The following HDX variants were observed in gnomAD, a reference collection of about 807,000 sequenced individuals.
The protein encoded by HDX is chromosome X open reading frame 43.
HDX carries 19 observed loss-of-function variants against 45.2 expected under a neutral mutation model. The observed-to-expected ratio is 0.42, with a 90% CI of 0.29 to 0.62. HDX has a LOEUF of 0.62. Among genes scored for constraint, HDX ranks in the 20% least tolerant of loss-of-function variants. HDX has a pLI of 0.20. For missense variants in HDX, 532 were observed against 493.9 expected (o/e 1.08, Z -0.73); for synonymous variants, 188 against 172.8 (o/e 1.09, Z -0.69).
At chrX:84,414,495 A>G (rs982676155) in intron 5 of HDX, among the ~76,000 whole-genome samples, 2 of 111,637 alleles carry the variant, frequency 1.8e-5, no homozygotes, top group Non-Finnish European at 3.8e-5. Context: ...ATATTTCCAG[A>G]GCTAACTAAA....
At chrX:84,450,778 C>G (rs991327158) in intron 4 of HDX, among the ~76,000 whole-genome samples, 2 of 112,248 alleles carry the variant, frequency 1.8e-5, no homozygotes, top group Admixed American at 9.4e-5. Flanking sequence ...TTCTCCAGTA[C>G]AGACCACGTG....
rs753255985 is a variant in HDX at position 84,472,228 on chromosome X, G to C, written c.148-2653C>G. Among the ~76,000 whole-genome samples the C allele has an allele frequency of 3.6e-5, 4 of 110,949 alleles. No homozygotes were observed. In the East Asian group the frequency reaches 8.4e-4, roughly 23 times the overall value. Reference sequence around the variant, plus strand: ...TATGGCTTACTTATAAAGTTTTATAGTTTATACATACATATGCATATTATA... The same window carrying C: ...TATGGCTTACTTATAAAGTTTTATACTTTATACATACATATGCATATTATA... On this transcript the variant is annotated intron_variant, in intron 3 of 10. Coordinates refer to ENST00000373177, the MANE Select transcript of HDX (RefSeq NM_001177479.2).
At chrX:84,370,366 G>T (rs1200326732) in intron 5 of HDX, among the ~76,000 whole-genome samples, 2 of 111,739 alleles carry the variant, frequency 1.8e-5, no homozygotes, top group African/African-American at 6.5e-5. Flanking sequence ...CACAATAGTG[G>T]GAGACAATTC....
intron 9 of HDX, among the ~76,000 whole-genome samples, chrX:84,329,785 C>T (rs756851095): frequency 8.9e-6 from 1 of 111,740 alleles, no homozygotes; most frequent in Non-Finnish European, 1.9e-5. Flanking sequence ...GACCATCATT[C>T]CCTTATTTCC....
At chrX:84,361,179 G>A (rs991064500) in intron 6 of HDX, among the ~76,000 whole-genome samples, 2 of 111,165 alleles carry the variant, frequency 1.8e-5, no homozygotes, top group Non-Finnish European at 3.8e-5. Flanking sequence ...CATAATTTCA[G>A]GTAAATATTG....
chrX:84,493,847 TA>T (rs2040945192), intron 1 of HDX, among the ~76,000 whole-genome samples: 1 of 111,043 alleles, frequency 9.0e-6, no homozygotes, highest in African/African-American at 3.3e-5. Flanking sequence ...TTAAAATAAC[TA>T]AAAAAGTATA....
chrX:84,348,708 G>A (rs2037262093), intron 6 of HDX, among the ~76,000 whole-genome samples: 1 of 111,029 alleles, frequency 9.0e-6, no homozygotes, highest in Non-Finnish European at 1.9e-5. Context: ...CTTTGCCGTG[G>A]CCTGTGAACT....
At chrX:84,333,644 A>T (rs918114325) in intron 9 of HDX, 115 bp downstream of exon 9, 82 of 393,789 alleles carry the variant, frequency 2.1e-4, no homozygotes, top group Non-Finnish European at 5.4e-5. Context: ...GCCAGAAAGA[A>T]TTAATGCAGA....
intron 4 of HDX, among the ~76,000 whole-genome samples, chrX:84,447,593 C>A (rs756171673): frequency 3.6e-4 from 40 of 110,896 alleles, no homozygotes; most frequent in Non-Finnish European, 6.6e-4. Flanking sequence ...AGGTCCCCCC[C>A]ACACACCAAG....
At chrX:84,474,186 G>T (rs1256702853) in intron 3 of HDX, among the ~76,000 whole-genome samples, 1 of 111,733 alleles carries the variant, frequency 8.9e-6, no homozygotes, top group Non-Finnish European at 1.9e-5. Flanking sequence ...CAGCTACTCG[G>T]GAGGCTGAGG....
chrX:84,366,585 C>T (rs969776783), intron 5 of HDX, among the ~76,000 whole-genome samples: 4 of 111,696 alleles, frequency 3.6e-5, no homozygotes, highest in African/African-American at 1.3e-4. Context: ...TTAAACTATA[C>T]TACAAAGCTA....
In HDX at chrX:84,453,996, G is replaced by C. The variant is rs1031317151; in HGVS notation, c.1252-13411C>G. ...GGGCCAAAAGGGAACCTGCTGCCTT[G>C]AAGCACACAGTCCTGGCAGGATTTA... On this transcript the variant is annotated intron_variant, in intron 4 of 10. Transcript: ENST00000373177. 2.7e-5 allele frequency among the ~76,000 whole-genome samples: 3 copies of C among 111,692 alleles called. No individual in the cohort carries two copies. The Admixed American group carries it at 2.8e-4, about 11-fold the overall frequency.
At chrX:84,414,332 C>T (rs754011885) in intron 5 of HDX, among the ~76,000 whole-genome samples, 92 of 111,516 alleles carry the variant, frequency 8.2e-4, no homozygotes, top group African/African-American at 2.7e-3. Context: ...TTCCTATGAT[C>T]AAGCAAGGTT....
chrX:84,420,971 C>G (rs903514656), intron 5 of HDX, among the ~76,000 whole-genome samples: 1 of 112,191 alleles, frequency 8.9e-6, no homozygotes, highest in African/African-American at 3.2e-5. Context: ...CTCAGACAAA[C>G]AGAAGCTAAA....
intron 4 of HDX, among the ~76,000 whole-genome samples, chrX:84,449,773 G>C (rs2039954868): frequency 9.0e-6 from 1 of 111,717 alleles, no homozygotes; most frequent in African/African-American, 3.3e-5. Flanking sequence ...AGACTCCAAT[G>C]TTACCGTTAC....
intron 2 of HDX, among the ~76,000 whole-genome samples, chrX:84,486,391 G>T (rs912501416): frequency 6.4e-5 from 7 of 108,991 alleles, no homozygotes; most frequent in Non-Finnish European, 1.3e-4. Context: ...ATATTTTAAA[G>T]AACTTAAGAA....
At chrX:84,496,669 T>C (rs1360483683) in intron 1 of HDX, among the ~76,000 whole-genome samples, 1 of 111,825 alleles carries the variant, frequency 8.9e-6, no homozygotes, top group East Asian at 2.8e-4. Context: ...TTATTAGTGA[T>C]GGAAGTGAGC....
chrX:84,395,099 GGT>G (rs2038530142), intron 5 of HDX, among the ~76,000 whole-genome samples: 1 of 110,529 alleles, frequency 9.0e-6, no homozygotes, highest in Admixed American at 9.7e-5. Context: ...GTTGTGGCTT[GGT>G]GGTTTTCTGT....
At chrX:84,499,931 A>G (rs1252078448) in intron 1 of HDX, 1 of 112,435 alleles carries the variant, frequency 8.9e-6, no homozygotes, top group Non-Finnish European at 1.9e-5. Flanking sequence ...AATAATCAAT[A>G]TAAGATAGCA....
Sources: allele counts gnomAD v4.1 joint callset (sites outside exome capture counted in the v4.1 genomes callset), GRCh38; gene constraint gnomAD v4.1.1; transcripts MANE v1.5; gene names NCBI Gene and HGNC (gene_info 2026-07-23, HGNC 2026-07-21).